Variants in PPP3CA observed in about 807,000 individuals in gnomAD.
The protein encoded by PPP3CA is protein phosphatase 3 catalytic subunit alpha.
Under a neutral mutation model 66.5 loss-of-function variants are expected in PPP3CA, and 14 were observed. The observed-to-expected ratio is 0.21, with a 90% CI of 0.14 to 0.33. PPP3CA has a LOEUF of 0.33. Among genes scored for constraint, PPP3CA ranks in the 10% least tolerant of loss-of-function variants. The pLI, the probability that PPP3CA is intolerant of heterozygous loss-of-function variation, is 1.00. For synonymous variants in PPP3CA, 232 were observed against 226.2 expected, an observed-to-expected ratio of 1.03 and a Z score of -0.23; for missense variants, 317 against 639.5, an observed-to-expected ratio of 0.50 and a Z score of 5.44.
At chr4:101,250,920 ACAAT>A (rs1225312882) in intron 1 of PPP3CA, among the ~76,000 whole-genome samples, 2 of 152,156 alleles carry the variant, frequency 1.3e-5, no homozygotes, top group Admixed American at 6.5e-5. Flanking sequence ...CTTTTCCCGA[ACAAT>A]CAGTTTGGTA....
At chr4:101,206,658 A>G (rs1167338340) in intron 1 of PPP3CA, among the ~76,000 whole-genome samples, 1 of 152,214 alleles carries the variant, frequency 6.6e-6, no homozygotes, top group African/African-American at 2.4e-5. Flanking sequence ...AGGATTAACA[A>G]TCAAGTCCCA....
At chr4:101,126,562 C>T (rs1196171643) in intron 2 of PPP3CA, among the ~76,000 whole-genome samples, 7 of 152,288 alleles carry the variant, frequency 4.6e-5, no homozygotes, top group African/African-American at 1.7e-4. Context: ...AGACTGATTA[C>T]TATGGAAATT....
chr4:101,174,088 G>A (rs1050654447), intron 2 of PPP3CA, among the ~76,000 whole-genome samples: 4 of 149,436 alleles, frequency 2.7e-5, no homozygotes, highest in Non-Finnish European at 4.5e-5. Flanking sequence ...CAAAAACTAC[G>A]CCCCCCCCAC....
rs538248416 is a variant in PPP3CA at position 101,077,276 on chromosome 4, T to C, written c.955+3256A>G. On this transcript the variant is annotated intron_variant, in intron 8 of 13. Coordinates refer to ENST00000394854, the MANE Select transcript of PPP3CA (RefSeq NM_000944.5). ...AACCTATTTTTCTCACTGTTTCATT[T>C]TGCCAGATAGTATTACTGCTGTCTT... Among the ~76,000 whole-genome samples the C allele has an allele frequency of 5.8e-4, 89 of 152,374 alleles. 1 individual carries two copies. The highest frequency in any genetic ancestry group is 1.8e-3 in the African/African-American group (75 of 41,592).
chr4:101,057,348 C>T (rs544655360), intron 10 of PPP3CA, among the ~76,000 whole-genome samples: 7 of 152,166 alleles, frequency 4.6e-5, no homozygotes, highest in Non-Finnish European at 8.8e-5. Flanking sequence ...TGAGCCACTG[C>T]ACCCAGCAAG....
intron 1 of PPP3CA, among the ~76,000 whole-genome samples, chr4:101,321,745 A>G (rs929438652): frequency 2.0e-5 from 3 of 152,196 alleles, no homozygotes; most frequent in African/African-American, 7.2e-5. Context: ...CGGCTGCACA[A>G]AGGTTCAAAA....
At chr4:101,241,775 C>T (rs985831100) in intron 1 of PPP3CA, among the ~76,000 whole-genome samples, 47 of 152,102 alleles carry the variant, frequency 3.1e-4, no homozygotes, top group African/African-American at 1.1e-3. Flanking sequence ...AAAAATCACA[C>T]AGTCTCAACT....
At chr4:101,093,937 G>A (rs746410555) in intron 5 of PPP3CA, 22 bp from the exon 6 acceptor site, 2 of 1,582,410 alleles carry the variant, frequency 1.3e-6, no homozygotes, top group Non-Finnish European at 1.7e-6. Context: ...AGAAGACAGA[G>A]AGCAAAATAC....
At chr4:101,227,176 T>C (rs1243811567) in intron 1 of PPP3CA, among the ~76,000 whole-genome samples, 1 of 151,672 alleles carries the variant, frequency 6.6e-6, no homozygotes. Flanking sequence ...AGACAACACA[T>C]GTATGGAGAA....
intron 2 of PPP3CA, among the ~76,000 whole-genome samples, chr4:101,129,590 T>C (rs1439520877): frequency 6.6e-6 from 1 of 152,208 alleles, no homozygotes; most frequent in African/African-American, 2.4e-5. Flanking sequence ...CTGCTAGTGA[T>C]AACCAGGCAA....
rs571985077 is a variant in PPP3CA at position 101,296,949 on chromosome 4, T to C, written c.58+49790A>G. On this transcript the variant is annotated intron_variant, in intron 1 of 13. Coordinates refer to ENST00000394854, the MANE Select transcript of PPP3CA (RefSeq NM_000944.5). The stretch of plus-strand genomic sequence containing the variant: ...TACTCTGAAGTTAAATAGCAATACA[T>C]TGAAATAACATGTATTTAAAACACC... 5.6e-4 allele frequency among the ~76,000 whole-genome samples: 86 copies of C among 152,316 alleles called. 1 individual carries two copies. Among genetic ancestry groups the C allele is most frequent in the African/African-American group, 2.0e-3 (82 of 41,588 alleles).
At chr4:101,279,794 G>T (rs1360746822) in intron 1 of PPP3CA, among the ~76,000 whole-genome samples, 1 of 152,192 alleles carries the variant, frequency 6.6e-6, no homozygotes, top group Non-Finnish European at 1.5e-5. Flanking sequence ...TCAGAGAAGA[G>T]ACTCATTCCA....
chr4:101,323,253 C>A (rs943723935), intron 1 of PPP3CA, among the ~76,000 whole-genome samples: 1 of 152,038 alleles, frequency 6.6e-6, no homozygotes, highest in Admixed American at 6.6e-5. Context: ...TCAAATAGAG[C>A]GAAACTATAA....
chr4:101,200,425 T>C (rs1009023017), intron 1 of PPP3CA, among the ~76,000 whole-genome samples: 6 of 152,162 alleles, frequency 3.9e-5, no homozygotes, highest in Non-Finnish European at 8.8e-5. Flanking sequence ...TAGATCTCAA[T>C]CTGGACTTCA....
At chr4:101,159,433 G>C (rs1308272143) in intron 2 of PPP3CA, among the ~76,000 whole-genome samples, 2 of 152,054 alleles carry the variant, frequency 1.3e-5, no homozygotes, top group Non-Finnish European at 2.9e-5. Context: ...TTTAATCTGG[G>C]TTTACATTAT....
At chr4:101,286,949 T>C (rs935550038) in intron 1 of PPP3CA, among the ~76,000 whole-genome samples, 7 of 152,198 alleles carry the variant, frequency 4.6e-5, no homozygotes, top group Admixed American at 1.3e-4. Context: ...GACTTGAACC[T>C]GTAGGATTTT....
At chr4:101,232,128 C>A (rs575946714) in intron 1 of PPP3CA, among the ~76,000 whole-genome samples, 1 of 151,778 alleles carries the variant, frequency 6.6e-6, no homozygotes, top group African/African-American at 2.4e-5. Context: ...TAACATCAGC[C>A]TTTGCTCTTT....
chr4:101,114,984 T>C lies in PPP3CA; in HGVS notation c.260-5906A>G, dbSNP rs115822743. 5.0e-3 allele frequency among the ~76,000 whole-genome samples: 765 copies of C among 152,144 alleles called. 7 individuals are homozygous for C. Among genetic ancestry groups the C allele is most frequent in the Middle Eastern group, 0.024 (7 of 294 alleles). Reference sequence around the variant, plus strand: ...ACATAAATATTAACGTGTGTGTCTATGTGTGTGTATAAAGCCACCCACCAC... The same window carrying C: ...ACATAAATATTAACGTGTGTGTCTACGTGTGTGTATAAAGCCACCCACCAC... On this transcript the variant is annotated intron_variant, in intron 2 of 13. Coordinates refer to ENST00000394854, the MANE Select transcript of PPP3CA (RefSeq NM_000944.5).
intron 2 of PPP3CA, among the ~76,000 whole-genome samples, chr4:101,189,776 A>G (rs1184640693): frequency 1.3e-5 from 2 of 151,934 alleles, no homozygotes; most frequent in Non-Finnish European, 2.9e-5. Context: ...AAAAAACTAT[A>G]AAAAATTATG....
Sources: allele counts gnomAD v4.1 joint callset (sites outside exome capture counted in the v4.1 genomes callset), GRCh38; gene constraint gnomAD v4.1.1; transcripts MANE v1.5; gene names NCBI Gene and HGNC (gene_info 2026-07-23, HGNC 2026-07-21).